The following CLIC5 variants were observed in gnomAD, a reference collection of about 807,000 sequenced individuals.
CLIC5 encodes chloride intracellular channel protein 5.
In CLIC5, 20 loss-of-function variants were observed where a neutral mutation model predicts 24.7. That is an observed-to-expected ratio of 0.81 (90% CI 0.57 to 1.18). The LOEUF is 1.18. CLIC5 is among the 50% of genes most tolerant of loss of function. The probability of loss-of-function intolerance (pLI) is 0.00; values close to 1 mark genes in which losing one functional copy is unlikely to be tolerated. For missense variants in CLIC5, 341 were observed against 326.1 expected, an observed-to-expected ratio of 1.05 and a Z score of -0.35; for synonymous variants, 159 against 135.6, an observed-to-expected ratio of 1.17 and a Z score of -1.20.
At chr6:45,884,365 T>C (rs1762286104) in intron 6 of CLIC5, among the ~76,000 whole-genome samples, 1 of 152,210 alleles carries the variant, frequency 6.6e-6, no homozygotes, top group Admixed American at 6.5e-5. Context: ...AGAAACCAGA[T>C]GCAGGAGACA....
At chr6:46,125,398 G>T in the CLIC5 span, among the ~76,000 whole-genome samples, 1 of 152,134 alleles carries the variant, frequency 6.6e-6, no homozygotes, top group South Asian at 2.1e-4. Context: ...GACCCAGGAA[G>T]GGGAACATCA....
intron 1 of CLIC5, among the ~76,000 whole-genome samples, chr6:46,070,057 T>C (rs936945074): frequency 2.6e-4 from 40 of 152,222 alleles, no homozygotes; most frequent in African/African-American, 9.1e-4. Flanking sequence ...AAACTAGGTA[T>C]CAAAGGAACA....
chr6:46,103,940 G>C, the CLIC5 span, among the ~76,000 whole-genome samples: 1 of 152,098 alleles, frequency 6.6e-6, no homozygotes, highest in Non-Finnish European at 1.5e-5. Context: ...CTCTCTGGTG[G>C]AGCAAATGGT....
At chr6:46,069,749 A>T (rs1363980890) in intron 1 of CLIC5, among the ~76,000 whole-genome samples, 1 of 152,092 alleles carries the variant, frequency 6.6e-6, no homozygotes, top group Non-Finnish European at 1.5e-5. Flanking sequence ...TAATAGCAAA[A>T]CCTGGCAGAG....
intron 1 of CLIC5, among the ~76,000 whole-genome samples, chr6:46,002,141 G>T (rs762666050): frequency 2.0e-5 from 3 of 152,138 alleles, no homozygotes; most frequent in Non-Finnish European, 4.4e-5. Flanking sequence ...AATCCTGCGA[G>T]GACTCGATGG....
At chr6:45,981,303 G>A (rs1041889427) in intron 1 of CLIC5, among the ~76,000 whole-genome samples, 10 of 151,480 alleles carry the variant, frequency 6.6e-5, no homozygotes, top group African/African-American at 2.4e-4. Flanking sequence ...CATTTTACAC[G>A]TGCTTACTAG....
At chr6:46,126,440 T>C in the CLIC5 span, among the ~76,000 whole-genome samples, 1 of 152,192 alleles carries the variant, frequency 6.6e-6, no homozygotes, top group East Asian at 1.9e-4. Flanking sequence ...TTTGAAAAAA[T>C]TCCTTTAGAG....
At chr6:46,090,109 TA>T in the CLIC5 span, among the ~76,000 whole-genome samples, 1 of 152,292 alleles carries the variant, frequency 6.6e-6, no homozygotes, top group East Asian at 1.9e-4. Flanking sequence ...ATATGCTCTA[TA>T]AAAAAGTAGG....
intron 5 of CLIC5, chr6:45,912,048 G>A (rs1279311274): frequency 2.0e-6 from 2 of 985,916 alleles, no homozygotes; most frequent in Non-Finnish European, 2.4e-6. Context: ...GGGTAAGGAT[G>A]CACACGGAGA....
At chr6:46,114,058 G>C in the CLIC5 span, among the ~76,000 whole-genome samples, 1 of 152,120 alleles carries the variant, frequency 6.6e-6, no homozygotes, top group African/African-American at 2.4e-5. Flanking sequence ...GGAGAGGAGA[G>C]AGTTTATTTA....
At chr6:46,035,807 C>T (rs369979908) in intron 1 of CLIC5, among the ~76,000 whole-genome samples, 2 of 151,604 alleles carry the variant, frequency 1.3e-5, no homozygotes, top group African/African-American at 4.8e-5. Flanking sequence ...TGCAGTGGTG[C>T]GATCTCAGCT....
the CLIC5 span, among the ~76,000 whole-genome samples, chr6:46,093,396 G>C: frequency 6.6e-6 from 1 of 152,060 alleles, no homozygotes; most frequent in African/African-American, 2.4e-5. Flanking sequence ...GTCTGGGATG[G>C]GGCGGGAACT....
chr6:46,031,898 A>G lies in CLIC5; in HGVS notation c.540+47805T>C, dbSNP rs1767511980. On this transcript the variant is annotated intron_variant, in intron 1 of 5. Transcript: ENST00000185206. ...ATAACATATATATATACACACATAT[A>G]TATATACAACATATATATGTACACA... Among the ~76,000 whole-genome samples the G allele has an allele frequency of 2.7e-5, 4 of 148,710 alleles. 1 individual carries two copies. In the Admixed American group the frequency reaches 2.7e-4, roughly 10 times the overall value.
intron 1 of CLIC5, among the ~76,000 whole-genome samples, chr6:45,995,569 A>C (rs1441200278): frequency 6.6e-6 from 1 of 152,236 alleles, no homozygotes; most frequent in East Asian, 1.9e-4. Flanking sequence ...CTCTATTAAA[A>C]GCATCCCAAA....
intron 2 of CLIC5, among the ~76,000 whole-genome samples, chr6:45,953,107 C>A (rs572686376): frequency 1.3e-5 from 2 of 151,998 alleles, no homozygotes; most frequent in African/African-American, 4.8e-5. Context: ...GTATTTGAAC[C>A]AAGCAGATGG....
intron 5 of CLIC5, among the ~76,000 whole-genome samples, chr6:45,906,319 C>A (rs2127297610): frequency 6.6e-6 from 1 of 152,242 alleles, no homozygotes; most frequent in South Asian, 2.1e-4. Flanking sequence ...GCCATTTTAT[C>A]AATATTATTT....
intron 1 of CLIC5, among the ~76,000 whole-genome samples, chr6:46,007,406 G>T (rs1465360574): frequency 2.0e-5 from 3 of 152,174 alleles, no homozygotes; most frequent in Non-Finnish European, 4.4e-5. Context: ...AGTCTTCGGT[G>T]TTGGTGCCCC....
the CLIC5 span, among the ~76,000 whole-genome samples, chr6:46,111,181 C>CTT: frequency 0.44 from 63,446 of 142,944 alleles, 15,071 homozygotes; most frequent in South Asian, 0.68. Flanking sequence ...CAAACCTGTC[C>CTT]TTTTTTTTTT....
At position 45,920,307 on chromosome 6, in the gene CLIC5, C is replaced by T. The variant is rs145250586; in HGVS notation, c.407-5898G>A. On this transcript the variant is annotated intron_variant, in intron 4 of 5. Transcript: ENST00000339561. Reference sequence around the variant, plus strand: ...TGTACTAGGGGCCAGTGCTGTCACACGGGCTGTGTGACAATGAAACATCTG... The same window carrying T: ...TGTACTAGGGGCCAGTGCTGTCACATGGGCTGTGTGACAATGAAACATCTG... 3.4e-4 allele frequency: 330 copies of T among 983,514 alleles called. No homozygotes were observed. The African/African-American group carries it at 4.3e-3, about 13-fold the overall frequency. The allele number at this position is 983,514 out of a possible 1,614,324, so 60.9% of individuals were successfully genotyped here.
Sources: allele counts gnomAD v4.1 joint callset (sites outside exome capture counted in the v4.1 genomes callset), GRCh38; gene constraint gnomAD v4.1.1; transcripts MANE v1.5; gene names NCBI Gene and HGNC (gene_info 2026-07-23, HGNC 2026-07-21).